PSG5: variants seen among roughly 807,000 people sequenced by gnomAD.
PSG5 encodes pregnancy-specific beta-1-glycoprotein 5.
A neutral mutation model predicts 37.7 loss-of-function variants in PSG5; 53 were observed. The observed-to-expected ratio is 1.41, with a 90% CI of 1.13 to 1.77. The LOEUF (loss-of-function observed/expected upper bound fraction) is 1.77. Among genes scored for constraint, PSG5 ranks in the 40% most tolerant of loss-of-function variants. The probability of loss-of-function intolerance (pLI) is 0.00; values close to 1 mark genes in which losing one functional copy is unlikely to be tolerated. For missense variants in PSG5, 547 were observed against 405.2 expected, an observed-to-expected ratio of 1.35 and a Z score of -3.00; for synonymous variants, 221 against 155.4, an observed-to-expected ratio of 1.42 and a Z score of -3.14.
rs527736974 is a variant in PSG5 at position 43,179,023 on chromosome 19, T to C, written c.431-2875A>G. 37 of 1,612,752 alleles carry C rather than the reference T, an allele frequency of 2.3e-5. 1 individual carries two copies. In the African/African-American group the frequency reaches 2.7e-4, roughly 12 times the overall value. On this transcript the variant is annotated intron_variant, in intron 2 of 5. Transcript: ENST00000342951. Reference sequence around the variant, plus strand: ...TTGGACAGCTGCAACCTGTGAGTCATAGGGAGGCTCTGACCATTCATCCAC... The same window carrying C: ...TTGGACAGCTGCAACCTGTGAGTCACAGGGAGGCTCTGACCATTCATCCAC...
chr19:43,185,223 G>A, intron 1 of PSG5, 76 bp from the exon 2 acceptor site: 1 of 1,472,010 alleles, frequency 6.8e-7, no homozygotes, highest in East Asian at 2.3e-5. Flanking sequence ...TGGGTCCTGA[G>A]AAGGTCTCTT....
intron 5 of PSG5, among the ~76,000 whole-genome samples, chr19:43,168,421 T>C (rs1481397169): frequency 6.6e-6 from 1 of 151,472 alleles, no homozygotes. Flanking sequence ...CAGGCTGGAG[T>C]GCAGTGATGC....
intron 3 of PSG5, 177 bp from the exon 4 acceptor site, chr19:43,175,646 G>A: frequency 2.2e-6 from 3 of 1,387,130 alleles, no homozygotes; most frequent in Non-Finnish European, 2.9e-6. Flanking sequence ...CCCATCACAA[G>A]CTATTGACAC....
Position 43,170,321 on chromosome 19 carries a change from GTTTCT to G in PSG5, c.965-188_965-184del, listed in dbSNP as rs1354507848. 2.7e-5 allele frequency: 19 copies of G among 695,742 alleles called. No individual in the cohort carries two copies. The African/African-American group carries it at 3.0e-4, about 11-fold the overall frequency. 43.1% of individuals were successfully genotyped at this position (695,742 alleles called of 1,614,324 possible). A position where few individuals can be genotyped will look rare whatever the true frequency, so the allele number is the denominator to read the frequency against. On this transcript the variant is annotated intron_variant, in intron 4 of 5. Coordinates refer to ENST00000342951, the MANE Select transcript of PSG5 (RefSeq NM_002781.4). ...CAGTTTTTTTTTTCCCTCTCACCAT[GTTTCT>G]AGGATGGTGATCAGTCCTCTGTCAA...
chr19:43,176,320 C>T (rs61140708), intron 2 of PSG5, among the ~76,000 whole-genome samples, 172 bp from the exon 3 acceptor site: 31,469 of 151,374 alleles, frequency 0.21, 4,253 homozygotes, highest in East Asian at 0.6. Flanking sequence ...GGCTCAAAGA[C>T]TGTGAGGCCA....
intron 4 of PSG5, among the ~76,000 whole-genome samples, chr19:43,173,584 C>A (rs1020380695): frequency 1.3e-5 from 2 of 151,338 alleles, no homozygotes; most frequent in African/African-American, 2.4e-5. Flanking sequence ...TACAAATATC[C>A]AATAAGCCCA....
rs187273343 is a variant in PSG5, at chr19:43,174,873, A to G, written c.964+342T>C. Reference sequence around the variant, plus strand: ...GGAATAGGTACAAGGAAACAAAGACATGGCAGAAGGGGATGTGTTGGTGAC... The same window carrying G: ...GGAATAGGTACAAGGAAACAAAGACGTGGCAGAAGGGGATGTGTTGGTGAC... On this transcript the variant is annotated intron_variant, in intron 4 of 5. Transcript: ENST00000342951. The G allele has an allele frequency of 3.8e-5, 45 of 1,185,636 alleles. 1 individual carries two copies. Among genetic ancestry groups the G allele is most frequent in the South Asian group, 8.4e-5 (4 of 47,824 alleles). 73.4% of individuals were successfully genotyped at this position (1,185,636 alleles called of 1,614,324 possible).
rs77848485 is a variant in PSG5, at chr19:43,185,440, C to T, written c.65-293G>A. Among the ~76,000 whole-genome samples the T allele has an allele frequency of 7.2e-3, 916 of 127,378 alleles. 19 individuals carry two copies. The highest frequency in any genetic ancestry group is 0.026 in the African/African-American group (861 of 32,944). 83.6% of individuals were successfully genotyped at this position (127,378 alleles called of 152,430 possible). ...GGGGTCCACACGGCACCCCCCCCCCCCCACACTGCCCTCAGGTCCTGCTCA... is the reference window on the plus strand; with the variant it reads ...GGGGTCCACACGGCACCCCCCCCCCTCCACACTGCCCTCAGGTCCTGCTCA... On this transcript the variant is annotated intron_variant, in intron 1 of 5. Transcript: ENST00000342951.
Position 43,169,977 on chromosome 19 carries a change from A to G in PSG5, c.*40+78T>C, listed in dbSNP as rs4028468. The stretch of plus-strand genomic sequence containing the variant: ...AGGAGGAGATGCAGTCCCAGATACA[A>G]GCAAATAAGTCTTTTCCCTCTCCCA... On this transcript the variant is annotated intron_variant, in intron 5 of 5. Coordinates refer to ENST00000342951, the MANE Select transcript of PSG5 (RefSeq NM_002781.4). The G allele has an allele frequency of 2.0e-4, 180 of 901,650 alleles. 3 individuals are homozygous for G. Among genetic ancestry groups the G allele is most frequent in the Non-Finnish European group, 2.5e-4 (143 of 569,336 alleles). 55.9% of individuals were successfully genotyped at this position (901,650 alleles called of 1,614,324 possible). A position where few individuals can be genotyped will look rare whatever the true frequency, so the allele number is the denominator to read the frequency against.
rs928534709 is a variant in PSG5, at chr19:43,186,489, C to T, written c.-84G>A. ...TGAGCACGGCTGTAGGCTGTGCTGT[C>T]CTTCCTCCTTCTGTGCTGAGCCTCT... On this transcript the variant is annotated 5_prime_UTR_variant, in exon 1 of 6. Transcript: ENST00000342951. 2 of 1,581,726 alleles carry T rather than the reference C, an allele frequency of 1.3e-6. No homozygotes were observed. The highest frequency in any genetic ancestry group is 1.8e-5 in the Admixed American group (1 of 57,112).
In PSG5 at chr19:43,185,994, T is replaced by G. The variant is rs191591052; in HGVS notation, c.64+348A>C. On this transcript the variant is annotated intron_variant, in intron 1 of 5. Transcript: ENST00000342951. ...TTTCTTTTTTTTCTTTTTATTTTTT[T>G]GAGACAGAGTCTCGTACTGTCACCC... Among the ~76,000 whole-genome samples the G allele has an allele frequency of 1.3e-4, 19 of 151,354 alleles. 1 individual carries two copies. Among genetic ancestry groups the G allele is most frequent in the Admixed American group, 7.9e-4 (12 of 15,144 alleles).
rs374100574 is a variant in PSG5 at position 43,178,923 on chromosome 19, G to A, written c.431-2775C>T. 2.3e-3 allele frequency: 3,763 copies of A among 1,612,840 alleles called. 87 individuals carry two copies. Among genetic ancestry groups the A allele is most frequent in the Middle Eastern group, 5.1e-3 (31 of 6,056 alleles). On this transcript the variant is annotated intron_variant, in intron 2 of 5. Coordinates refer to ENST00000342951, the MANE Select transcript of PSG5 (RefSeq NM_002781.4). ...TGGGTCACTGTGGCTGGCACTCACT[G>A]GGTTCCGTATTTCACATTCATAGGG... is the stretch of plus-strand genomic sequence containing the variant.
In PSG5 at chr19:43,174,568, C is replaced by T. The variant is rs535724129; in HGVS notation, c.964+647G>A. The T allele has an allele frequency of 1.2e-5, 11 of 929,468 alleles. No homozygotes were observed. In the East Asian group the frequency reaches 9.3e-4, roughly 78 times the overall value. The allele number at this position is 929,468 out of a possible 1,614,324, so 57.6% of individuals were successfully genotyped here. A position where few individuals can be genotyped will look rare whatever the true frequency, so the allele number is the denominator to read the frequency against. ...CGCAACGCAGGAGTCTTCCCTGAGG[C>T]TCCCTCTCTTCTTATTTCCCTGCAG... On this transcript the variant is annotated intron_variant, in intron 4 of 5. Transcript: ENST00000342951.
intron 2 of PSG5, among the ~76,000 whole-genome samples, chr19:43,181,130 A>G (rs780222121): frequency 9.2e-5 from 14 of 151,608 alleles, no homozygotes; most frequent in Non-Finnish European, 1.8e-4. Context: ...CATCATGAGG[A>G]AACAGTTTTA....
chr19:43,182,573 A>G (rs1969151231), intron 2 of PSG5, among the ~76,000 whole-genome samples: 2 of 151,146 alleles, frequency 1.3e-5, no homozygotes, highest in Non-Finnish European at 1.5e-5. Context: ...GTGCCCCTGA[A>G]ACTATCCTTG....
chr19:43,178,003 T>C (rs1969046968), intron 2 of PSG5, among the ~76,000 whole-genome samples: 2 of 151,698 alleles, frequency 1.3e-5, no homozygotes, highest in South Asian at 4.2e-4. Flanking sequence ...AATTCTTTTC[T>C]CAATTTCCTT....
chr19:43,169,721 G>C (rs1260606687), intron 5 of PSG5, among the ~76,000 whole-genome samples: 1 of 151,698 alleles, frequency 6.6e-6, no homozygotes, highest in Non-Finnish European at 1.5e-5. Context: ...AATACTTTGA[G>C]AAGTGGTTGA....
At chr19:43,180,553 A>T (rs1969107016) in intron 2 of PSG5, 1 of 151,558 alleles carries the variant, frequency 6.6e-6, no homozygotes, top group South Asian at 2.1e-4. Context: ...TAATTTTCCC[A>T]TAAAAAGTTG....
chr19:43,171,820 C>A (rs1968911030), intron 4 of PSG5, among the ~76,000 whole-genome samples: 1 of 150,346 alleles, frequency 6.7e-6, no homozygotes, highest in Admixed American at 6.6e-5. Context: ...TATAAAAAAC[C>A]AATTAACTGG....
Sources: gnomAD v4.1 joint callset for allele counts (sites outside exome capture counted in the v4.1 genomes callset) on GRCh38, gnomAD v4.1.1 for gene constraint, MANE v1.5 for transcripts, NCBI Gene and HGNC (gene_info 2026-07-23, HGNC 2026-07-21) for gene names.